The following COX10 variants were observed in gnomAD, a reference collection of about 807,000 sequenced individuals.
The protein encoded by COX10 is protoheme IX farnesyltransferase, mitochondrial.
A neutral mutation model predicts 37.3 loss-of-function variants in COX10; 27 were observed. The ratio of observed to expected loss-of-function variants is 0.72; its 90% confidence interval spans 0.53 to 1.00. The LOEUF (loss-of-function observed/expected upper bound fraction) is 1.00. COX10 is among the 50% of genes least tolerant of loss of function. The pLI is 0.00. For missense variants in COX10, 475 were observed against 563.2 expected (o/e 0.84, Z 1.59); for synonymous variants, 222 against 229.1 (o/e 0.97, Z 0.28).
At chr17:14,163,243 T>G (rs11078228) in intron 5 of COX10, among the ~76,000 whole-genome samples, 39 of 95,260 alleles carry the variant, frequency 4.1e-4, no homozygotes, top group Non-Finnish European at 7.5e-4. Flanking sequence ...GAAAATTTAT[T>G]TATTTATTTA....
At chr17:14,165,757 GT>G (rs1233050774) in intron 5 of COX10, among the ~76,000 whole-genome samples, 4 of 152,232 alleles carry the variant, frequency 2.6e-5, no homozygotes, top group Admixed American at 1.3e-4. Flanking sequence ...AAACAGCCAT[GT>G]TGTGAATGTA....
intron 5 of COX10, among the ~76,000 whole-genome samples, chr17:14,163,338 T>C (rs1905210136): frequency 6.6e-6 from 1 of 152,022 alleles, no homozygotes; most frequent in East Asian, 1.9e-4. Context: ...CACTGCAACC[T>C]CCACCTCCCA....
At chr17:14,092,571 A>C (rs1380504876) in intron 3 of COX10, among the ~76,000 whole-genome samples, 1 of 152,126 alleles carries the variant, frequency 6.6e-6, no homozygotes, top group African/African-American at 2.4e-5. Context: ...AGCACGTCTC[A>C]TATCAATTGA....
chr17:14,174,602 C>T (rs992363168), intron 5 of COX10, among the ~76,000 whole-genome samples: 17 of 152,140 alleles, frequency 1.1e-4, no homozygotes, highest in African/African-American at 4.1e-4. Context: ...TACCACTACA[C>T]ACCTATTAGC....
At chr17:14,076,259 G>A (rs1915149290) in intron 2 of COX10, among the ~76,000 whole-genome samples, 2 of 151,540 alleles carry the variant, frequency 1.3e-5, no homozygotes, top group Non-Finnish European at 2.9e-5. Flanking sequence ...ATGCCACCAT[G>A]ACCCACTAAT....
intron 2 of COX10, among the ~76,000 whole-genome samples, chr17:14,076,404 T>C (rs965395303): frequency 2.0e-5 from 3 of 151,606 alleles, no homozygotes; most frequent in African/African-American, 7.3e-5. Context: ...ACTTTTTTAT[T>C]GTATTTGGAA....
At position 14,206,930 on chromosome 17, in the gene COX10, C is replaced by T. The variant is rs750697782; in HGVS notation, c.1049C>T (p.Pro350Leu). 40 of 1,613,594 alleles carry T rather than the reference C, an allele frequency of 2.5e-5. No individual in the cohort carries two copies. The highest frequency in any genetic ancestry group is 2.2e-5 in the East Asian group (1 of 44,862). ...GGYCMMSVTH[P>L]GLCRRVALRH... The stretch of plus-strand genomic sequence containing the variant: ...TACTGCATGATGTCGGTCACCCACC[C>T]GGGCCTGTGCCGGCGCGTGGCGCTG... The change falls in exon 7 of 7, where the codon CCG becomes CTG. Residue 350 changes from proline (P) to leucine (L), a missense_variant. By Grantham distance (98) the Pro-to-Leu change is moderately conservative (BLOSUM62 -3). Transcript: ENST00000261643.
chr17:14,128,288 GT>G (rs1311534069), intron 4 of COX10, among the ~76,000 whole-genome samples: 13 of 150,976 alleles, frequency 8.6e-5, no homozygotes, highest in African/African-American at 1.7e-4. Context: ...TTCAGCAGCA[GT>G]TTTTTTTTAG....
chr17:14,092,488 A>T (rs184811130), intron 3 of COX10, among the ~76,000 whole-genome samples: 51 of 152,276 alleles, frequency 3.3e-4, no homozygotes, highest in Admixed American at 9.2e-4. Context: ...CTTATCTTTT[A>T]ACCAGAAGTG....
chr17:14,141,573 G>C (rs148858047), intron 4 of COX10, among the ~76,000 whole-genome samples: 2,022 of 135,848 alleles, frequency 0.015, 17 homozygotes, highest in African/African-American at 0.027. Context: ...CCTTTTATAA[G>C]AATTAGGAGT....
chr17:14,127,261 G>A (rs180905635), intron 4 of COX10, among the ~76,000 whole-genome samples: 2 of 152,126 alleles, frequency 1.3e-5, no homozygotes, highest in Non-Finnish European at 2.9e-5. Flanking sequence ...ATTATTGTTA[G>A]AAGAATACTT....
chr17:14,180,028 A>G (rs1905808942), intron 5 of COX10, among the ~76,000 whole-genome samples: 1 of 152,224 alleles, frequency 6.6e-6, no homozygotes, highest in African/African-American at 2.4e-5. Flanking sequence ...CTTAAGTATT[A>G]TAGGGCTTTA....
chr17:14,100,351 CAG>C (rs1915749035), intron 3 of COX10, among the ~76,000 whole-genome samples: 1 of 152,154 alleles, frequency 6.6e-6, no homozygotes, highest in African/African-American at 2.4e-5. Context: ...ACTACACAGA[CAG>C]GGGTCCTACC....
chr17:14,206,946 C>G lies in COX10; in HGVS notation c.1065C>G (p.Arg355=), dbSNP rs144384923. ...TCACCCACCCGGGCCTGTGCCGGCG[C>G]GTGGCGCTGCGCCACTGCCTGGCCC... ...MSVTHPGLCR[R]VALRHCLALL... Residue 355 remains arginine (R), a synonymous_variant, in exon 7 of 7, where the codon CGC becomes CGG. Coordinates refer to ENST00000261643, the MANE Select transcript of COX10 (RefSeq NM_001303.4). 1 of 1,613,644 alleles carries G rather than the reference C, an allele frequency of 6.2e-7. No homozygotes were observed. Among genetic ancestry groups the G allele is most frequent in the South Asian group, 1.1e-5 (1 of 91,068 alleles).
At chr17:14,153,613 C>T (rs962809861) in intron 4 of COX10, among the ~76,000 whole-genome samples, 1 of 152,180 alleles carries the variant, frequency 6.6e-6, no homozygotes, top group Non-Finnish European at 1.5e-5. Context: ...TACCACATAA[C>T]ATGACCAAAA....
At chr17:14,107,813 C>T (rs1279354788) in intron 4 of COX10, among the ~76,000 whole-genome samples, 1 of 152,130 alleles carries the variant, frequency 6.6e-6, no homozygotes, top group Non-Finnish European at 1.5e-5. Context: ...ATTGTCTCCT[C>T]ATTACTATGG....
intron 1 of COX10, 122 bp from the exon 2 acceptor site, chr17:14,074,201 T>C: frequency 2.0e-6 from 2 of 1,001,096 alleles, no homozygotes; most frequent in Admixed American, 1.9e-5. Context: ...TTCAAAGCTC[T>C]GACCCATCAC....
intron 5 of COX10, among the ~76,000 whole-genome samples, chr17:14,180,020 T>A (rs1311137073): frequency 3.3e-5 from 5 of 152,248 alleles, no homozygotes; most frequent in Non-Finnish European, 5.9e-5. Flanking sequence ...GGGTTTAGCT[T>A]AAGTATTATA....
rs953879063 is a variant in COX10 at position 14,207,967 on chromosome 17, G to A, written c.*754G>A. On this transcript the variant is annotated 3_prime_UTR_variant, in exon 7 of 7. Coordinates refer to ENST00000261643, the MANE Select transcript of COX10 (RefSeq NM_001303.4). ...AGTTCCTTCTAAAAGGGTAGCCCTG[G>A]ACTTAATACCAGCCGGATACCTCTG... is the stretch of plus-strand genomic sequence containing the variant. The A allele has an allele frequency of 3.9e-5, 6 of 152,350 alleles. No homozygotes were observed. Among genetic ancestry groups the A allele is most frequent in the Non-Finnish European group, 7.3e-5 (5 of 68,214 alleles). 9.4% of individuals were successfully genotyped at this position (152,350 alleles called of 1,614,324 possible).
Sources: gnomAD v4.1 joint callset for allele counts (sites outside exome capture counted in the v4.1 genomes callset) on GRCh38, gnomAD v4.1.1 for gene constraint, MANE v1.5 for transcripts, NCBI Gene and HGNC (gene_info 2026-07-23, HGNC 2026-07-21) for gene names.